RCAN2: variants seen among roughly 807,000 people sequenced by gnomAD.
The protein encoded by RCAN2 is calcipressin-2.
Under a neutral mutation model 23.6 loss-of-function variants are expected in RCAN2, and 9 were observed. That is an observed-to-expected ratio of 0.38 (90% confidence interval 0.23 to 0.67). RCAN2 has a LOEUF of 0.67. RCAN2 is among the 30% of genes least tolerant of loss of function. The pLI is 0.51. For missense variants in RCAN2, 273 were observed against 302.3 expected (o/e 0.90, Z 0.72); for synonymous variants, 109 against 115.7 (o/e 0.94, Z 0.37).
At chr6:46,246,075 T>C (rs1766501638) in intron 4 of RCAN2, among the ~76,000 whole-genome samples, 2 of 152,202 alleles carry the variant, frequency 1.3e-5, no homozygotes, top group African/African-American at 4.8e-5. Context: ...GAATGTTAAC[T>C]GTTACTTTGA....
chr6:46,431,312 C>T (rs1270248412), intron 2 of RCAN2, among the ~76,000 whole-genome samples: 1 of 152,234 alleles, frequency 6.6e-6, no homozygotes, highest in Admixed American at 6.5e-5. Flanking sequence ...CTCAAGCAAT[C>T]CTCCCACCTC....
At chr6:46,404,972 G>A (rs1766355630) in intron 2 of RCAN2, among the ~76,000 whole-genome samples, 1 of 152,178 alleles carries the variant, frequency 6.6e-6, no homozygotes, top group Non-Finnish European at 1.5e-5. Flanking sequence ...AATAAAATAT[G>A]ACACTGATAA....
rs926766412 is a variant in RCAN2, at chr6:46,267,114, A to G, written c.226-18218T>C. Among the ~76,000 whole-genome samples the G allele has an allele frequency of 4.6e-5, 7 of 152,254 alleles. No homozygotes were observed. The South Asian group carries it at 1.4e-3, about 31-fold the overall frequency. ...TTAATTTCATAAAACCAAGGTTAAA[A>G]GAGGTTGAGTGATTAGTTAAAAGTT... On this transcript the variant is annotated intron_variant, in intron 2 of 4. Coordinates refer to ENST00000371374, the MANE Select transcript of RCAN2 (RefSeq NM_001251974.2).
chr6:46,426,113 G>A (rs1561900891), intron 2 of RCAN2, among the ~76,000 whole-genome samples: 1 of 151,490 alleles, frequency 6.6e-6, no homozygotes, highest in Non-Finnish European at 1.5e-5. Flanking sequence ...TGGTCAGGCT[G>A]GTCTCAAATT....
At chr6:46,440,028 A>G (rs1048727572) in intron 2 of RCAN2, among the ~76,000 whole-genome samples, 1 of 152,202 alleles carries the variant, frequency 6.6e-6, no homozygotes, top group African/African-American at 2.4e-5. Context: ...AAAGTAATCT[A>G]TTTGAGGGAA....
chr6:46,225,698 T>C (rs529514989), intron 4 of RCAN2, among the ~76,000 whole-genome samples: 3 of 152,328 alleles, frequency 2.0e-5, no homozygotes, highest in South Asian at 2.1e-4. Flanking sequence ...CTTTGTCACA[T>C]GGGTAGATTG....
Position 46,251,535 on chromosome 6 carries a change from C to G in RCAN2, c.226-2639G>C, listed in dbSNP as rs182152652. Among the ~76,000 whole-genome samples, 462 of 152,254 alleles carry G rather than the reference C, an allele frequency of 3.0e-3. 2 individuals carry two copies. The highest frequency in any genetic ancestry group is 0.01 in the African/African-American group (424 of 41,538). ...TGGGAGTTTCACCTTCTCATCACCT[C>G]TCCAATGCCTGAGCTTGGGCCATTA... On this transcript the variant is annotated intron_variant, in intron 2 of 4. Transcript: ENST00000371374.
intron 2 of RCAN2, among the ~76,000 whole-genome samples, chr6:46,390,567 CTTA>C (rs1561886186): frequency 6.6e-6 from 1 of 152,126 alleles, no homozygotes; most frequent in Non-Finnish European, 1.5e-5. Context: ...TTAGTGACCT[CTTA>C]TTATTAAAAA....
At chr6:46,223,335 G>T (rs200157665) in intron 4 of RCAN2, 34 bp from the exon 5 acceptor site, 2 of 1,601,640 alleles carry the variant, frequency 1.2e-6, no homozygotes, top group East Asian at 2.2e-5. Flanking sequence ...TGAGAAAGAG[G>T]GGGGGATTTC....
At chr6:46,467,896 C>G (rs1323914306) in intron 1 of RCAN2, among the ~76,000 whole-genome samples, 1 of 152,194 alleles carries the variant, frequency 6.6e-6, no homozygotes, top group Non-Finnish European at 1.5e-5. Flanking sequence ...GAAATCCCAG[C>G]TCCTCAGCAT....
intron 2 of RCAN2, among the ~76,000 whole-genome samples, chr6:46,345,020 C>T (rs911150503): frequency 4.1e-5 from 5 of 120,840 alleles, no homozygotes; most frequent in Non-Finnish European, 9.9e-5. Context: ...TTTAAATATA[C>T]ATAAACATAT....
chr6:46,293,462 C>T (rs559678689), intron 2 of RCAN2, among the ~76,000 whole-genome samples: 24 of 152,174 alleles, frequency 1.6e-4, no homozygotes, highest in African/African-American at 5.1e-4. Context: ...TATATAGAAG[C>T]TTTAATAGAT....
chr6:46,388,904 G>A (rs183173738), intron 2 of RCAN2, among the ~76,000 whole-genome samples: 232 of 152,178 alleles, frequency 1.5e-3, no homozygotes, highest in Non-Finnish European at 1.8e-3. Flanking sequence ...CATGGCACGC[G>A]TATACCTATG....
upstream of RCAN2, chr6:46,491,764 C>T (rs1769162589): frequency 6.6e-6 from 1 of 152,300 alleles, no homozygotes; most frequent in Admixed American, 6.5e-5. Flanking sequence ...AGAGGCTCCT[C>T]GGGGTCCCAT....
intron 2 of RCAN2, among the ~76,000 whole-genome samples, chr6:46,435,177 G>A (rs968850467): frequency 2.0e-5 from 3 of 152,068 alleles, no homozygotes; most frequent in Admixed American, 6.6e-5. Flanking sequence ...TATGCTATTG[G>A]CTATCATTCT....
At position 46,487,549 on chromosome 6, in the gene RCAN2, T is replaced by C. The variant is rs114601059; in HGVS notation, c.-3+3624A>G. Reference sequence around the variant, plus strand: ...GGACTTGTATGTGGTGCCTGGTTTATAGTACTGCTTCAATCCTCACAATAA... The same window carrying C: ...GGACTTGTATGTGGTGCCTGGTTTACAGTACTGCTTCAATCCTCACAATAA... On this transcript the variant is annotated intron_variant, in intron 1 of 4. Coordinates refer to ENST00000371374, the MANE Select transcript of RCAN2 (RefSeq NM_001251974.2). Among the ~76,000 whole-genome samples, 1,426 of 152,342 alleles carry C rather than the reference T, an allele frequency of 9.4e-3. 20 individuals are homozygous for C. Among genetic ancestry groups the C allele is most frequent in the African/African-American group, 0.032 (1,349 of 41,566 alleles).
rs1208153074 is a variant in RCAN2 at position 46,491,205 on chromosome 6, G to C, written c.-35C>G. The stretch of plus-strand genomic sequence containing the variant: ...GCGTCCGCGATGCGCCGGCGGAGGC[G>C]GAGGCGGAGGCGGCGGCTGGGGCGT... On this transcript the variant is annotated 5_prime_UTR_variant, in exon 1 of 5. Coordinates refer to ENST00000371374, the MANE Select transcript of RCAN2 (RefSeq NM_001251974.2). 6.6e-6 allele frequency: 1 copy of C among 151,574 alleles called. No individual in the cohort carries two copies. Among genetic ancestry groups the C allele is most frequent in the Non-Finnish European group, 1.5e-5 (1 of 67,980 alleles). 9.4% of individuals were successfully genotyped at this position (151,574 alleles called of 1,614,324 possible).
At chr6:46,477,243 A>G (rs72866456) in intron 1 of RCAN2, among the ~76,000 whole-genome samples, 2,800 of 152,308 alleles carry the variant, frequency 0.018, 51 homozygotes, top group Non-Finnish European at 0.031. Flanking sequence ...TATTTACCCG[A>G]CATAAAAAGT....
chr6:46,264,625 A>G (rs554223763), intron 2 of RCAN2, among the ~76,000 whole-genome samples: 1 of 152,330 alleles, frequency 6.6e-6, no homozygotes, highest in African/African-American at 2.4e-5. Flanking sequence ...GTTTCAACCC[A>G]TCACAGATTC....
Sources: gnomAD v4.1 joint callset for allele counts (sites outside exome capture counted in the v4.1 genomes callset) on GRCh38, gnomAD v4.1.1 for gene constraint, MANE v1.5 for transcripts, NCBI Gene and HGNC (gene_info 2026-07-23, HGNC 2026-07-21) for gene names.